Variants in ULK4 observed in about 807,000 individuals in gnomAD.
ULK4 encodes the protein unc-51 like kinase 4.
In ULK4, 133 loss-of-function variants were observed where a neutral mutation model predicts 160.6. That is an observed-to-expected ratio of 0.83 (90% CI 0.72 to 0.96). The LOEUF is 0.96. ULK4 is among the 40% of genes least tolerant of loss of function. ULK4 has a pLI of 0.00. For synonymous variants in ULK4, 534 were observed against 539.8 expected (o/e 0.99, Z 0.15); for missense variants, 1,580 against 1,499.5 (o/e 1.05, Z -0.89).
At chr3:41,811,633 T>A (rs7646144) in intron 19 of ULK4, among the ~76,000 whole-genome samples, 36,485 of 152,140 alleles carry the variant, frequency 0.24, 5,199 homozygotes, top group African/African-American at 0.41. Flanking sequence ...ATTCACGGAA[T>A]ACTAGGTTTG....
At chr3:41,903,614 G>A (rs933258925) in intron 12 of ULK4, among the ~76,000 whole-genome samples, 1 of 150,464 alleles carries the variant, frequency 6.6e-6, no homozygotes, top group African/African-American at 2.4e-5. Context: ...TGTAAGATGA[G>A]TAAGGTGGAC....
chr3:41,731,344 T>C (rs1264670338), intron 22 of ULK4, among the ~76,000 whole-genome samples: 1 of 151,942 alleles, frequency 6.6e-6, no homozygotes, highest in Admixed American at 6.6e-5. Context: ...TATATATCAA[T>C]AGCAAACTAT....
intron 34 of ULK4, among the ~76,000 whole-genome samples, chr3:41,446,107 A>T (rs527434214): frequency 8.5e-5 from 13 of 152,338 alleles, no homozygotes; most frequent in African/African-American, 2.9e-4. Flanking sequence ...TTATGCAGCC[A>T]AAACACACAT....
chr3:41,526,337 G>C (rs77879977), intron 32 of ULK4, among the ~76,000 whole-genome samples: 1 of 152,148 alleles, frequency 6.6e-6, no homozygotes, highest in African/African-American at 2.4e-5. Context: ...GACAGAGCCA[G>C]AGGTATGCAT....
intron 29 of ULK4, among the ~76,000 whole-genome samples, chr3:41,666,528 C>A (rs2035355960): frequency 6.6e-6 from 1 of 152,166 alleles, no homozygotes; most frequent in Non-Finnish European, 1.5e-5. Context: ...CACTGCTTAC[C>A]AGTATTTGGA....
intron 34 of ULK4, among the ~76,000 whole-genome samples, chr3:41,412,553 A>ATTTTTTTTTTTTTTTT (rs57224854): frequency 0.011 from 1,057 of 100,342 alleles, 78 homozygotes; most frequent in Middle Eastern, 0.017. Flanking sequence ...ATGCAGTTGA[A>ATTTTTTTTTTTTTTTT]TTTTTTTTTT....
intron 35 of ULK4, among the ~76,000 whole-genome samples, chr3:41,378,329 C>G (rs2081559889): frequency 6.6e-6 from 1 of 151,188 alleles, no homozygotes; most frequent in South Asian, 2.1e-4. Context: ...ACATATGTAA[C>G]TAACCTGCAC....
At chr3:41,258,699 T>C (rs1222821259) in intron 35 of ULK4, among the ~76,000 whole-genome samples, 2 of 152,216 alleles carry the variant, frequency 1.3e-5, no homozygotes, top group African/African-American at 4.8e-5. Context: ...TTCTCTGCTT[T>C]ATGATGAAAA....
Position 41,933,117 on chromosome 3 carries a change from T to C in ULK4, c.379-1111A>G, listed in dbSNP as rs186470589. On this transcript the variant is annotated intron_variant, in intron 4 of 36. Transcript: ENST00000301831. ...GTCACAAATACATACTAAGGATGTC[T>C]GTTGGTCTACAACAGTGGCTTTTAA... is the stretch of plus-strand genomic sequence containing the variant. Among the ~76,000 whole-genome samples, 315 of 152,362 alleles carry C rather than the reference T, an allele frequency of 2.1e-3. 1 individual carries two copies. Among genetic ancestry groups the C allele is most frequent in the Non-Finnish European group, 3.5e-3 (237 of 68,038 alleles).
At position 41,754,471 on chromosome 3, in the gene ULK4, A is replaced by C; in HGVS notation, c.2211T>G (p.Ile737Met). ...LIQEKGFVST[I>M]IRLLDSPSTC... Reference sequence around the variant, plus strand: ...TTGAGGGGCTGTCAAGTAAACGGATAATTGTGGAGACAAAACCCTGTAGAA... The same window carrying C: ...TTGAGGGGCTGTCAAGTAAACGGATCATTGTGGAGACAAAACCCTGTAGAA... The change falls in exon 22 of 37, where the codon ATT becomes ATG. Residue 737 changes from isoleucine to methionine, a missense_variant. Ile to Met is a conservative substitution (Grantham distance 10). Transcript: ENST00000301831. The C allele has an allele frequency of 4.3e-6, 7 of 1,613,038 alleles. No homozygotes were observed. Among genetic ancestry groups the C allele is most frequent in the Non-Finnish European group, 5.9e-6 (7 of 1,179,644 alleles).
intron 32 of ULK4, among the ~76,000 whole-genome samples, chr3:41,483,639 T>G (rs1235282797): frequency 6.6e-6 from 1 of 152,204 alleles, no homozygotes; most frequent in Non-Finnish European, 1.5e-5. Context: ...GAATGTGGAA[T>G]GCTGAATAAT....
At chr3:41,592,711 ATG>A (rs1207145022) in intron 31 of ULK4, among the ~76,000 whole-genome samples, 1 of 152,208 alleles carries the variant, frequency 6.6e-6, no homozygotes, top group Non-Finnish European at 1.5e-5. Context: ...TTGAGAATTA[ATG>A]TGTTTTATTT....
chr3:41,660,999 T>G (rs181667231), intron 30 of ULK4, among the ~76,000 whole-genome samples: 14 of 152,330 alleles, frequency 9.2e-5, no homozygotes, highest in African/African-American at 3.4e-4. Context: ...TATATAAAAT[T>G]GTATAAATTT....
intron 30 of ULK4, among the ~76,000 whole-genome samples, chr3:41,636,974 T>C (rs575670101): frequency 2.6e-5 from 4 of 152,324 alleles, no homozygotes; most frequent in South Asian, 4.1e-4. Flanking sequence ...TTAAAATGTA[T>C]ATATTGTGTA....
chr3:41,535,250 C>T (rs1320195181), intron 32 of ULK4, among the ~76,000 whole-genome samples: 1 of 152,078 alleles, frequency 6.6e-6, no homozygotes, highest in African/African-American at 2.4e-5. Flanking sequence ...ATAATTATGT[C>T]GCAGCTATTA....
intron 17 of ULK4, among the ~76,000 whole-genome samples, chr3:41,845,133 T>C (rs1301067953): frequency 6.6e-6 from 1 of 152,028 alleles, no homozygotes; most frequent in Non-Finnish European, 1.5e-5. Context: ...GCCCGGCTAA[T>C]TTTTTGTATT....
chr3:41,711,528 T>C (rs2037095515), intron 25 of ULK4, among the ~76,000 whole-genome samples: 1 of 152,206 alleles, frequency 6.6e-6, no homozygotes, highest in Admixed American at 6.5e-5. Flanking sequence ...TTTTCAAAAA[T>C]ACAAGAGTGC....
chr3:41,545,210 C>G (rs540383334), intron 32 of ULK4, among the ~76,000 whole-genome samples: 6 of 152,230 alleles, frequency 3.9e-5, no homozygotes, highest in Non-Finnish European at 7.4e-5. Flanking sequence ...TCATATTTAA[C>G]CACATTCGCG....
In ULK4 at chr3:41,916,048, A is replaced by G; in HGVS notation, c.732T>C (p.Ser244=). The change falls in exon 8 of 37, where the codon TCT becomes TCC. Residue 244 remains serine, a synonymous_variant. Coordinates refer to ENST00000301831, the MANE Select transcript of ULK4 (RefSeq NM_017886.4). ...AATCTGAAGAAGCTTTAGGACGAGAAGAATCTATAAATGAATTAATTTCCA... is the reference window on the plus strand; with the variant it reads ...AATCTGAAGAAGCTTTAGGACGAGAGGAATCTATAAATGAATTAATTTCCA... ...EDPLPPIPKD[S]SRPKASSDFI... 2.5e-6 allele frequency: 4 copies of G among 1,574,232 alleles called. No homozygotes were observed. In the East Asian group the frequency reaches 9.0e-5, roughly 36 times the overall value.
Sources: allele counts gnomAD v4.1 joint callset (sites outside exome capture counted in the v4.1 genomes callset), GRCh38; gene constraint gnomAD v4.1.1; transcripts MANE v1.5; gene names NCBI Gene and HGNC (gene_info 2026-07-23, HGNC 2026-07-21).